The following BMS1 variants were observed in gnomAD, a reference collection of about 807,000 sequenced individuals.
BMS1 encodes ribosome biogenesis protein BMS1 homolog.
Under a neutral mutation model 138.7 loss-of-function variants are expected in BMS1, and 53 were observed. The ratio of observed to expected loss-of-function variants is 0.38; its 90% CI spans 0.31 to 0.48. The LOEUF (loss-of-function observed/expected upper bound fraction) is 0.48, where lower values mean the gene tolerates loss of function less well. Ranked by LOEUF, BMS1 falls within the 20% of genes least tolerant of loss-of-function variation. The pLI, the probability that BMS1 is intolerant of heterozygous loss-of-function variation, is 0.97. For synonymous variants in BMS1, 504 were observed against 539.9 expected (o/e 0.93, Z 0.92); for missense variants, 1,360 against 1,565.5 (o/e 0.87, Z 2.22).
chr10:42,812,870 C>T (rs1426493907), intron 13 of BMS1, among the ~76,000 whole-genome samples: 2 of 152,134 alleles, frequency 1.3e-5, no homozygotes, highest in Non-Finnish European at 2.9e-5. Context: ...GAGGTGCAAC[C>T]GTTCTGGCTG....
chr10:42,817,943 A>G (rs1842397895), intron 15 of BMS1, among the ~76,000 whole-genome samples: 1 of 152,184 alleles, frequency 6.6e-6, no homozygotes, highest in African/African-American at 2.4e-5. Flanking sequence ...CATCCTGGTC[A>G]GAGTTCAGAA....
chr10:42,786,212 T>G (rs1841323842), intron 3 of BMS1, among the ~76,000 whole-genome samples: 1 of 152,240 alleles, frequency 6.6e-6, no homozygotes, highest in Admixed American at 6.5e-5. Context: ...TGCATATGCT[T>G]GCCTTATGAA....
intron 21 of BMS1, among the ~76,000 whole-genome samples, chr10:42,829,220 G>A (rs1842736709): frequency 6.6e-6 from 1 of 152,100 alleles, no homozygotes; most frequent in Non-Finnish European, 1.5e-5. Context: ...GCTGAGGCAA[G>A]AGAATGGCGT....
At chr10:42,793,831 C>T (rs368422808) in intron 8 of BMS1, 21 bp from the exon 9 acceptor site, 6 of 1,598,426 alleles carry the variant, frequency 3.8e-6, no homozygotes, top group Non-Finnish European at 5.1e-6. Flanking sequence ...CTCACGTGCC[C>T]TTTCTTGGTG....
intron 14 of BMS1, 57 bp from the exon 15 acceptor site, chr10:42,817,261 G>T: frequency 7.8e-7 from 1 of 1,278,086 alleles, no homozygotes; most frequent in African/African-American, 1.5e-5. Flanking sequence ...AAAAGCTAAT[G>T]TTTAAAGAAA....
chr10:42,826,884 G>T (rs1277896577), intron 21 of BMS1, among the ~76,000 whole-genome samples: 2 of 152,146 alleles, frequency 1.3e-5, no homozygotes, highest in Non-Finnish European at 2.9e-5. Context: ...GCTCCAAGGG[G>T]CAGGGCGCAA....
At chr10:42,809,044 T>A (rs1260037082) in intron 13 of BMS1, among the ~76,000 whole-genome samples, 2 of 152,204 alleles carry the variant, frequency 1.3e-5, no homozygotes, top group Non-Finnish European at 2.9e-5. Context: ...TACAACAACT[T>A]ACCTGGGATT....
rs750377573 is a variant in BMS1 at position 42,820,988 on chromosome 10, T to C, written c.3005T>C (p.Ile1002Thr). ...TTGGCAATACAGTCTGTCAGTGGCATAATGGTAACTATCTTGGATGATTTC... is the reference window on the plus strand; with the variant it reads ...TTGGCAATACAGTCTGTCAGTGGCACAATGGTAACTATCTTGGATGATTTC... ...GFLAIQSVSG[I>T]MPDFRIAATG... The change falls in exon 18 of 23, where the codon ATA (isoleucine) becomes ACA (threonine). Residue 1002 changes from isoleucine to threonine, a missense_variant. By Grantham distance (89) the Ile-to-Thr change is moderately conservative. Coordinates refer to ENST00000374518, the MANE Select transcript of BMS1 (RefSeq NM_014753.4). 2.5e-6 allele frequency: 4 copies of C among 1,574,694 alleles called. No homozygotes were observed. The South Asian group carries it at 3.3e-5, about 13-fold the overall frequency.
chr10:42,801,201 A>G (rs1841867552), intron 12 of BMS1, among the ~76,000 whole-genome samples: 2 of 152,212 alleles, frequency 1.3e-5, no homozygotes, highest in East Asian at 3.8e-4. Flanking sequence ...AGTGACCTGA[A>G]CCAGGAGAGC....
intron 4 of BMS1, among the ~76,000 whole-genome samples, chr10:42,789,970 C>T (rs1397335822): frequency 6.6e-6 from 1 of 152,134 alleles, no homozygotes; most frequent in East Asian, 1.9e-4. Flanking sequence ...TCCTAGTGGA[C>T]ATTGTCTTAT....
chr10:42,818,465 T>A (rs1842411754), intron 15 of BMS1, among the ~76,000 whole-genome samples: 1 of 151,974 alleles, frequency 6.6e-6, no homozygotes, highest in South Asian at 2.1e-4. Flanking sequence ...AGGCTGGCAG[T>A]GGAGATGAGA....
At position 42,831,344 on chromosome 10, in the gene BMS1, G is replaced by C; in HGVS notation, c.*248G>C. On this transcript the variant is annotated 3_prime_UTR_variant, in exon 23 of 23. Transcript: ENST00000374518. ...TATGTGGATTCTCTTACTTTCCTCTGCCTGCCTCAGTTTAATTATTTTGTC... is the reference window on the plus strand; with the variant it reads ...TATGTGGATTCTCTTACTTTCCTCTCCCTGCCTCAGTTTAATTATTTTGTC... 2.4e-6 allele frequency: 1 copy of C among 413,196 alleles called. No homozygotes were observed. Among genetic ancestry groups the C allele is most frequent in the South Asian group, 5.2e-5 (1 of 19,150 alleles). The allele number at this position is 413,196 out of a possible 1,614,324, so 25.6% of individuals were successfully genotyped here.
chr10:42,797,383 T>G, intron 10 of BMS1, 39 bp from the exon 11 acceptor site: 4 of 1,607,766 alleles, frequency 2.5e-6, no homozygotes, highest in Non-Finnish European at 3.4e-6. Context: ...GGGAGACACA[T>G]GAATAAGCCT....
At chr10:42,797,594 AG>A (rs1289942831) in intron 11 of BMS1, 71 bp downstream of exon 11, 1 of 1,466,586 alleles carries the variant, frequency 6.8e-7, no homozygotes, top group Non-Finnish European at 9.5e-7. Context: ...AATTGGTTGG[AG>A]GATTCGGCTG....
At chr10:42,822,607 G>T (rs1287985596) in intron 19 of BMS1, among the ~76,000 whole-genome samples, 1 of 152,212 alleles carries the variant, frequency 6.6e-6, no homozygotes, top group African/African-American at 2.4e-5. Context: ...CGGATATACT[G>T]TTTTTCAGTA....
At chr10:42,818,913 G>A (rs139918066) in intron 15 of BMS1, among the ~76,000 whole-genome samples, 1 of 152,266 alleles carries the variant, frequency 6.6e-6, no homozygotes, top group Non-Finnish European at 1.5e-5. Context: ...GTACATGGAG[G>A]CGAAGCATTG....
intron 13 of BMS1, among the ~76,000 whole-genome samples, chr10:42,809,882 C>T (rs935425180): frequency 1.3e-5 from 2 of 151,874 alleles, no homozygotes; most frequent in Admixed American, 6.6e-5. Flanking sequence ...ACCTCCTATG[C>T]TCCAGTGATC....
At chr10:42,815,090 A>G (rs977893501) in intron 13 of BMS1, among the ~76,000 whole-genome samples, 1 of 152,124 alleles carries the variant, frequency 6.6e-6, no homozygotes, top group African/African-American at 2.4e-5. Flanking sequence ...AGGAGGGTAT[A>G]ATGTGTTATC....
chr10:42,786,161 C>T (rs1273160095), intron 3 of BMS1, among the ~76,000 whole-genome samples: 3 of 152,256 alleles, frequency 2.0e-5, no homozygotes, highest in African/African-American at 7.2e-5. Context: ...TCACCGTGAA[C>T]ACATCATTTA....
Sources: gnomAD v4.1 joint callset for allele counts (sites outside exome capture counted in the v4.1 genomes callset) on GRCh38, gnomAD v4.1.1 for gene constraint, MANE v1.5 for transcripts, NCBI Gene and HGNC (gene_info 2026-07-23, HGNC 2026-07-21) for gene names.